The following RAD51AP1 variants were observed in gnomAD, a reference collection of about 807,000 sequenced individuals.
RAD51AP1 encodes the protein RAD51-associated protein 1.
In RAD51AP1, 14 loss-of-function variants were observed where a neutral mutation model predicts 34.3. The ratio of observed to expected loss-of-function variants is 0.41; its 90% CI spans 0.27 to 0.64. The LOEUF (loss-of-function observed/expected upper bound fraction) is 0.64. Ranked by LOEUF, RAD51AP1 falls within the 30% of genes least tolerant of loss-of-function variation. RAD51AP1 has a pLI of 0.33. For missense variants in RAD51AP1, 348 were observed against 386.9 expected, an observed-to-expected ratio of 0.90 and a Z score of 0.84; for synonymous variants, 114 against 129.8, an observed-to-expected ratio of 0.88 and a Z score of 0.83.
intron 4 of RAD51AP1, among the ~76,000 whole-genome samples, chr12:4,547,805 CTA>C (rs1249230021): frequency 6.6e-6 from 1 of 152,196 alleles, no homozygotes; most frequent in East Asian, 1.9e-4. Flanking sequence ...GGGTAAGACA[CTA>C]TTTTTATCTC....
intron 3 of RAD51AP1, 107 bp downstream of exon 3, chr12:4,544,011 TCTTATTTTA>T: frequency 1.1e-6 from 1 of 940,762 alleles, no homozygotes; most frequent in Non-Finnish European, 1.5e-6. Flanking sequence ...GAGTCATAGG[TCTTATTTTA>T]CTAGGTGCAG....
intron 7 of RAD51AP1, 121 bp from the exon 8 acceptor site, chr12:4,556,232 T>C: frequency 1.3e-6 from 1 of 774,134 alleles, no homozygotes. Flanking sequence ...CAATAAATGT[T>C]TGTTGATTAA....
In RAD51AP1 at chr12:4,556,456, A is replaced by G; in HGVS notation, c.825A>G (p.Ile275Met). The change falls in exon 8 of 9, where the codon ATA (isoleucine) becomes ATG (methionine). Residue 275 changes from isoleucine to methionine, a missense_variant. Ile to Met is a conservative substitution (Grantham distance 10). Transcript: ENST00000352618. Reference sequence around the variant, plus strand: ...ATACCACTAGGAAACCATTAGAAATACGCAGTCCTTCAGCTGAAAGCAAGA... The same window carrying G: ...ATACCACTAGGAAACCATTAGAAATGCGCAGTCCTTCAGCTGAAAGCAAGA... ...SSDTTRKPLE[I>M]RSPSAESKKP... The G allele has an allele frequency of 6.2e-7, 1 of 1,613,606 alleles. No individual in the cohort carries two copies. Among genetic ancestry groups the G allele is most frequent in the Non-Finnish European group, 8.5e-7 (1 of 1,179,530 alleles).
intron 6 of RAD51AP1, among the ~76,000 whole-genome samples, chr12:4,552,634 T>G (rs1356651014): frequency 6.6e-6 from 1 of 152,234 alleles, no homozygotes; most frequent in Non-Finnish European, 1.5e-5. Flanking sequence ...TGATGGGAAA[T>G]TTATAGTGAT....
chr12:4,541,920 C>A lies in RAD51AP1; in HGVS notation c.54C>A (p.His18Gln). ...KKPVNYSQFD[H>Q]SDSDDDFVSA... ...CAGTCAATTACTCACAGTTTGACCACTCTGACAGTGATGGTAAGTAAAGCT... is the reference window on the plus strand; with the variant it reads ...CAGTCAATTACTCACAGTTTGACCAATCTGACAGTGATGGTAAGTAAAGCT... Residue 18 changes from histidine to glutamine, a missense_variant, in exon 2 of 9, where the codon CAC (histidine) becomes CAA (glutamine). Transcript: ENST00000352618. 5 of 1,523,814 alleles carry A rather than the reference C, an allele frequency of 3.3e-6. No individual in the cohort carries two copies. Among genetic ancestry groups the A allele is most frequent in the Non-Finnish European group, 4.4e-6 (5 of 1,132,764 alleles). 94.4% of individuals were successfully genotyped at this position (1,523,814 alleles called of 1,614,324 possible).
chr12:4,543,531 T>G (rs115544641), intron 2 of RAD51AP1, among the ~76,000 whole-genome samples: 1,769 of 152,308 alleles, frequency 0.012, 38 homozygotes, highest in African/African-American at 0.04. Flanking sequence ...GCTTTTGCAG[T>G]TTTTAGTGAA....
At position 4,543,506 on chromosome 12, in the gene RAD51AP1, T is replaced by C. The variant is rs142004064; in HGVS notation, c.68-257T>C. Among the ~76,000 whole-genome samples, 944 of 152,372 alleles carry C rather than the reference T, an allele frequency of 6.2e-3. 2 individuals are homozygous for C. The highest frequency in any genetic ancestry group is 0.014 in the Middle Eastern group (4 of 294). ...TTAATCATTTTTTCTTTGACACTTA[T>C]ATGCTGTCTTAATTGCTTTTGCAGT... is the stretch of plus-strand genomic sequence containing the variant. On this transcript the variant is annotated intron_variant, in intron 2 of 8. Coordinates refer to ENST00000352618, the MANE Select transcript of RAD51AP1 (RefSeq NM_006479.5).
In RAD51AP1 at chr12:4,548,142, C is replaced by T. The variant is rs139467773; in HGVS notation, c.370C>T (p.His124Tyr). 7.5e-6 allele frequency: 12 copies of T among 1,602,902 alleles called. No individual in the cohort carries two copies. The highest frequency in any genetic ancestry group is 9.3e-6 in the Non-Finnish European group (11 of 1,177,450). ...SKIETMNKSP[H>Y]ISNCSVASDY... ...AATAGAAACAATGAATAAGTCTCCT[C>T]ATATCTCTAATTGCAGTGTAGCCAG... Residue 124 changes from histidine to tyrosine, a missense_variant, in exon 5 of 9, where the codon CAT becomes TAT. By Grantham distance (83) the His-to-Tyr change is moderately conservative. Coordinates refer to ENST00000352618, the MANE Select transcript of RAD51AP1 (RefSeq NM_006479.5).
At chr12:4,552,015 CTGAG>C (rs1194237031) in intron 6 of RAD51AP1, among the ~76,000 whole-genome samples, 3 of 152,084 alleles carry the variant, frequency 2.0e-5, no homozygotes, top group Non-Finnish European at 4.4e-5. Context: ...GTGGTTATCT[CTGAG>C]TGGTGAGATT....
chr12:4,545,766 C>T, intron 3 of RAD51AP1: 1 of 1,608,392 alleles, frequency 6.2e-7, no homozygotes, highest in Non-Finnish European at 8.5e-7. Context: ...TCCCCACCCT[C>T]CTCCTTTAAT....
chr12:4,547,630 TG>T (rs1373713603), intron 4 of RAD51AP1, among the ~76,000 whole-genome samples: 1 of 152,206 alleles, frequency 6.6e-6, no homozygotes. Context: ...TAGAATGCTT[TG>T]GGTCATTTTA....
intron 3 of RAD51AP1, among the ~76,000 whole-genome samples, chr12:4,544,951 T>C (rs112227762): frequency 1.8e-4 from 28 of 152,320 alleles, no homozygotes; most frequent in African/African-American, 6.7e-4. Context: ...TGAACCCTCA[T>C]ATATTGCTGG....
chr12:4,554,196 T>C (rs986706391), intron 7 of RAD51AP1, among the ~76,000 whole-genome samples: 1 of 152,224 alleles, frequency 6.6e-6, no homozygotes, highest in South Asian at 2.1e-4. Context: ...TCTTGTCTTT[T>C]CTAGCTCCTT....
At chr12:4,557,821 G>A (rs1195038256) in intron 8 of RAD51AP1, among the ~76,000 whole-genome samples, 1 of 152,028 alleles carries the variant, frequency 6.6e-6, no homozygotes, top group Non-Finnish European at 1.5e-5. Context: ...ACTCAGGAGC[G>A]CGTACCCTTT....
In RAD51AP1 at chr12:4,553,051, A is replaced by G. The variant is rs780388164; in HGVS notation, c.625A>G (p.Lys209Glu). ...EDNDEDFSMRKSKVKEIKKKE... is the reference protein window; with the variant it reads ...EDNDEDFSMRESKVKEIKKKE... ...TAATGACGAAGACTTCTCTATGAGA[A>G]AAAGTAAAGTTAAAGAAATTAAAAA... The change falls in exon 7 of 9, where the codon AAA (lysine) becomes GAA (glutamate). Residue 209 changes from lysine to glutamate, a missense_variant. Transcript: ENST00000352618. The G allele has an allele frequency of 6.2e-7, 1 of 1,607,126 alleles. No homozygotes were observed. Among genetic ancestry groups the G allele is most frequent in the Non-Finnish European group, 8.5e-7 (1 of 1,177,342 alleles).
chr12:4,544,657 C>T (rs561514377), intron 3 of RAD51AP1, among the ~76,000 whole-genome samples: 11 of 152,054 alleles, frequency 7.2e-5, no homozygotes, highest in Admixed American at 6.5e-5. Context: ...GGAACCCACA[C>T]GTGGGAGAAA....
intron 1 of RAD51AP1, 112 bp downstream of exon 1, chr12:4,539,068 T>G: frequency 8.2e-7 from 1 of 1,214,556 alleles, no homozygotes; most frequent in Non-Finnish European, 1.2e-6. Context: ...GGGGTTAGGA[T>G]GGACGGTTAT....
chr12:4,543,124 G>A (rs1007165009), intron 2 of RAD51AP1, among the ~76,000 whole-genome samples: 2 of 151,932 alleles, frequency 1.3e-5, no homozygotes, highest in East Asian at 1.9e-4. Flanking sequence ...GCAACAGCGC[G>A]ATCTTGGCTC....
chr12:4,541,960 T>A, intron 2 of RAD51AP1, 27 bp downstream of exon 2: 1 of 1,448,138 alleles, frequency 6.9e-7, no homozygotes, highest in Non-Finnish European at 9.3e-7. Flanking sequence ...ATTTTTGTTC[T>A]AAAGATTTGG....
Sources: allele counts gnomAD v4.1 joint callset (sites outside exome capture counted in the v4.1 genomes callset), GRCh38; gene constraint gnomAD v4.1.1; transcripts MANE v1.5; gene names NCBI Gene and HGNC (gene_info 2026-07-23, HGNC 2026-07-21).